The following CDH4 variants were observed in gnomAD, a reference collection of about 807,000 sequenced individuals.
CDH4 encodes the protein cadherin-4.
In CDH4, 33 loss-of-function variants were observed where a neutral mutation model predicts 86.0. That is an observed-to-expected ratio of 0.38 (90% CI 0.29 to 0.51). The LOEUF is 0.51. CDH4 is among the 20% of genes least tolerant of loss of function. The probability of loss-of-function intolerance (pLI) is 0.86; values close to 1 mark genes in which losing one functional copy is unlikely to be tolerated. For synonymous variants in CDH4, 555 were observed against 549.4 expected (o/e 1.01, Z -0.14); for missense variants, 1,114 against 1,307.4 (o/e 0.85, Z 2.28).
chr20:61,358,106 T>A (rs1445729412), intron 2 of CDH4, among the ~76,000 whole-genome samples: 3 of 152,212 alleles, frequency 2.0e-5, no homozygotes, highest in African/African-American at 7.2e-5. Flanking sequence ...TGGGTTGTGC[T>A]CATTTTCTTC....
chr20:61,919,931 CACGGTGATTGCGTGGAAGCGTGTT>C (rs2054950273), intron 9 of CDH4, among the ~76,000 whole-genome samples: 32 of 150,696 alleles, frequency 2.1e-4, no homozygotes, highest in East Asian at 1.2e-3. Flanking sequence ...AGCGTGGTGT[CACGGTGATTGCGTGGAAGCGTGTT>C]GTGATTGTGT....
At chr20:61,444,381 CTA>C (rs1491117279) in intron 2 of CDH4, among the ~76,000 whole-genome samples, 2 of 26,066 alleles carry the variant, frequency 7.7e-5, no homozygotes, top group East Asian at 1.0e-3. Flanking sequence ...ATGTGTGTGT[CTA>C]TGTGTGTCTG....
chr20:61,295,442 TG>T (rs1370298190), intron 2 of CDH4, among the ~76,000 whole-genome samples: 15 of 152,238 alleles, frequency 9.9e-5, no homozygotes, highest in Non-Finnish European at 1.9e-4. Context: ...TCACCTGGCA[TG>T]GCTGTGATGC....
chr20:61,888,063 G>A (rs532042259), intron 7 of CDH4, among the ~76,000 whole-genome samples: 8 of 152,328 alleles, frequency 5.3e-5, no homozygotes, highest in African/African-American at 1.4e-4. Context: ...ACTTGGGTGA[G>A]AAATGAAGAG....
chr20:61,894,066 G>A (rs1984983730), intron 7 of CDH4, among the ~76,000 whole-genome samples: 1 of 152,106 alleles, frequency 6.6e-6, no homozygotes. Context: ...TTTCGCTTTG[G>A]TCCCCAGAAT....
In CDH4 at chr20:61,835,947, G is replaced by A. The variant is rs552946825; in HGVS notation, c.577-8721G>A. On this transcript the variant is annotated intron_variant, in intron 4 of 15. Coordinates refer to ENST00000614565, the MANE Select transcript of CDH4 (RefSeq NM_001794.5). ...CCTGCAAACTCCGACTGTCCCGAGC[G>A]GAAGGACCCTGCCAGAAGGACCCTG... Among the ~76,000 whole-genome samples, 42 of 152,312 alleles carry A rather than the reference G, an allele frequency of 2.8e-4. No individual in the cohort carries two copies. The South Asian group carries it at 5.6e-3, about 20-fold the overall frequency.
intron 2 of CDH4, among the ~76,000 whole-genome samples, chr20:61,323,884 C>T (rs1018308118): frequency 6.6e-6 from 1 of 152,136 alleles, no homozygotes; most frequent in Non-Finnish European, 1.5e-5. Flanking sequence ...TTGTATGATC[C>T]TAAGAGTGGA....
intron 2 of CDH4, among the ~76,000 whole-genome samples, chr20:61,555,323 G>A (rs2086169481): frequency 6.6e-6 from 1 of 152,204 alleles, no homozygotes; most frequent in Non-Finnish European, 1.5e-5. Flanking sequence ...GAAGCAGTAA[G>A]GGCAGTGGGG....
rs868655203 is a variant in CDH4 at position 61,856,843 on chromosome 20, C to T, written c.877+3945C>T. ...GGCAGACCCCACCCCAGGGGCTCCC[C>T]GAGCAAGGGGACCATGACTGGGAAG... On this transcript the variant is annotated intron_variant, in intron 6 of 15. Transcript: ENST00000614565. Among the ~76,000 whole-genome samples the T allele has an allele frequency of 3.0e-4, 45 of 152,244 alleles. 1 individual carries two copies. The highest frequency in any genetic ancestry group is 1.0e-3 in the African/African-American group (43 of 41,458).
At chr20:61,441,266 CAG>C (rs2085313815) in intron 2 of CDH4, among the ~76,000 whole-genome samples, 1 of 152,170 alleles carries the variant, frequency 6.6e-6, no homozygotes, top group Admixed American at 6.5e-5. Context: ...ATTTCAGAAT[CAG>C]GGGTTTCAGA....
chr20:61,824,168 G>A (rs1306246615), intron 4 of CDH4, among the ~76,000 whole-genome samples: 1 of 152,102 alleles, frequency 6.6e-6, no homozygotes, highest in African/African-American at 2.4e-5. Flanking sequence ...TTGGAGCATA[G>A]CCTCATCCCC....
intron 2 of CDH4, among the ~76,000 whole-genome samples, chr20:61,366,023 A>G (rs753174911): frequency 6.6e-6 from 1 of 152,196 alleles, no homozygotes; most frequent in Non-Finnish European, 1.5e-5. Flanking sequence ...ACCAGAGCCC[A>G]AGTTTTGGGG....
chr20:61,697,610 A>G (rs2087728803), intron 2 of CDH4, among the ~76,000 whole-genome samples: 2 of 152,092 alleles, frequency 1.3e-5, no homozygotes, highest in Non-Finnish European at 2.9e-5. Flanking sequence ...GGCGGGGGGA[A>G]CAAAAAAAAG....
chr20:61,257,261 TAC>T (rs1414657166), intron 2 of CDH4, among the ~76,000 whole-genome samples: 8 of 152,306 alleles, frequency 5.3e-5, no homozygotes, highest in African/African-American at 1.9e-4. Flanking sequence ...GCCCCAAACA[TAC>T]AGATTCCAGC....
chr20:61,525,138 G>T (rs2085901028), intron 2 of CDH4, among the ~76,000 whole-genome samples: 1 of 152,092 alleles, frequency 6.6e-6, no homozygotes, highest in Admixed American at 6.5e-5. Flanking sequence ...ATGATTCCCG[G>T]GTTTTATCCT....
intron 9 of CDH4, among the ~76,000 whole-genome samples, chr20:61,916,269 C>A (rs144719602): frequency 1.3e-3 from 204 of 152,092 alleles, no homozygotes; most frequent in African/African-American, 4.8e-3. Context: ...CAGGAGATGT[C>A]CAGTATCTTG....
At chr20:61,831,825 TC>T (rs1981630288) in intron 4 of CDH4, among the ~76,000 whole-genome samples, 1 of 152,204 alleles carries the variant, frequency 6.6e-6, no homozygotes, top group Non-Finnish European at 1.5e-5. Context: ...CAATTCTGAA[TC>T]CTCCAGCCTC....
chr20:61,625,046 T>C (rs893437720), intron 2 of CDH4, among the ~76,000 whole-genome samples: 1 of 152,202 alleles, frequency 6.6e-6, no homozygotes, highest in African/African-American at 2.4e-5. Context: ...GAGGGGCTTT[T>C]GTTTCCGAGT....
At chr20:61,896,291 AGACGCTCCTCCCGGTGGGTGG>A (rs1276550316) in intron 8 of CDH4, among the ~76,000 whole-genome samples, 7 of 152,162 alleles carry the variant, frequency 4.6e-5, no homozygotes, top group Non-Finnish European at 8.8e-5. Context: ...GTCAGGAGGG[AGACGCTCCTCCCGGTGGGTGG>A]GCCGGCTTGC....
Sources: gnomAD v4.1 joint callset for allele counts (sites outside exome capture counted in the v4.1 genomes callset) on GRCh38, gnomAD v4.1.1 for gene constraint, MANE v1.5 for transcripts, NCBI Gene and HGNC (gene_info 2026-07-23, HGNC 2026-07-21) for gene names.